KAZN: variants seen among roughly 807,000 people sequenced by gnomAD.
The protein encoded by KAZN is kazrin, periplakin interacting protein, also known as kazrin.
Under a neutral mutation model 87.4 loss-of-function variants are expected in KAZN, and 40 were observed. The ratio of observed to expected loss-of-function variants is 0.46; its 90% CI spans 0.36 to 0.60. KAZN has a LOEUF of 0.60. Among genes scored for constraint, KAZN ranks in the 20% least tolerant of loss-of-function variants. The pLI, the probability that KAZN is intolerant of heterozygous loss-of-function variation, is 0.00. For missense variants in KAZN, 898 were observed against 1,073.9 expected (o/e 0.84, Z 2.29); for synonymous variants, 466 against 458.3 (o/e 1.02, Z -0.22).
chr1:14,497,571 A>T (rs1226689688), intron 2 of KAZN, among the ~76,000 whole-genome samples: 1 of 152,178 alleles, frequency 6.6e-6, no homozygotes, highest in Admixed American at 6.5e-5. Context: ...TTCAGTTTAA[A>T]GTTGGCCATA....
At chr1:14,770,024 C>A (rs1644980539) in intron 1 of KAZN, among the ~76,000 whole-genome samples, 1 of 152,048 alleles carries the variant, frequency 6.6e-6, no homozygotes, top group South Asian at 2.1e-4. Context: ...GTGCAAAGGT[C>A]CTGAGGTAGA....
At chr1:15,018,044 C>T (rs577693511) in intron 2 of KAZN, among the ~76,000 whole-genome samples, 1 of 152,102 alleles carries the variant, frequency 6.6e-6, no homozygotes, top group African/African-American at 2.4e-5. Flanking sequence ...TGGCTTCCCC[C>T]CAGCCTGCAA....
At chr1:14,087,425 C>G (rs1243384002) in intron 1 of KAZN, among the ~76,000 whole-genome samples, 1 of 152,020 alleles carries the variant, frequency 6.6e-6, no homozygotes, top group Non-Finnish European at 1.5e-5. Flanking sequence ...TTAATTATTT[C>G]TTTTTAACTT....
At chr1:14,392,847 T>C (rs1328638833) in intron 2 of KAZN, among the ~76,000 whole-genome samples, 3 of 152,190 alleles carry the variant, frequency 2.0e-5, no homozygotes, top group Non-Finnish European at 4.4e-5. Context: ...GTGATTCTAA[T>C]GGCGACCAGA....
At chr1:14,097,703 A>G (rs1355752079) in intron 1 of KAZN, among the ~76,000 whole-genome samples, 1 of 152,208 alleles carries the variant, frequency 6.6e-6, no homozygotes, top group Non-Finnish European at 1.5e-5. Context: ...AACCTGTTAT[A>G]GAATACTTCA....
chr1:14,581,876 C>G (rs1675573294), intron 2 of KAZN, among the ~76,000 whole-genome samples: 1 of 152,136 alleles, frequency 6.6e-6, no homozygotes, highest in South Asian at 2.1e-4. Context: ...AAAATAGAAG[C>G]CAAATGTCAT....
At chr1:14,518,178 C>CTTTTTTT (rs141321203) in intron 2 of KAZN, among the ~76,000 whole-genome samples, 4 of 91,310 alleles carry the variant, frequency 4.4e-5, no homozygotes, top group African/African-American at 8.7e-5. Context: ...TTTTTGAAGG[C>CTTTTTTT]TTTTTTTTTT....
At chr1:14,249,884 A>T (rs1649854401) in intron 2 of KAZN, among the ~76,000 whole-genome samples, 1 of 149,524 alleles carries the variant, frequency 6.7e-6, no homozygotes, top group African/African-American at 2.5e-5. Flanking sequence ...AAAAACAGAT[A>T]CCCCTTAGGC....
At chr1:14,656,336 C>A (rs920042018) in intron 1 of KAZN, among the ~76,000 whole-genome samples, 19 of 152,274 alleles carry the variant, frequency 1.2e-4, no homozygotes, top group Admixed American at 1.0e-3. Flanking sequence ...GTCCCAGAAG[C>A]CTTAGTTCCA....
chr1:14,446,601 A>G (rs984376631), intron 2 of KAZN, among the ~76,000 whole-genome samples: 9 of 152,168 alleles, frequency 5.9e-5, no homozygotes, highest in African/African-American at 1.2e-4. Flanking sequence ...TCAGTCACCT[A>G]TCTCACTCGA....
At chr1:13,924,764 T>C (rs892901732) in intron 1 of KAZN, among the ~76,000 whole-genome samples, 1 of 152,218 alleles carries the variant, frequency 6.6e-6, no homozygotes, top group Admixed American at 6.5e-5. Flanking sequence ...CATACGTTGA[T>C]TGATGTCTTA....
chr1:14,999,364 T>C (rs1332677245), intron 2 of KAZN, among the ~76,000 whole-genome samples: 1 of 152,258 alleles, frequency 6.6e-6, no homozygotes, highest in Non-Finnish European at 1.5e-5. Flanking sequence ...ATGCTTCCTT[T>C]GCAGGGCTTT....
chr1:14,026,468 A>G (rs10927998), intron 1 of KAZN, among the ~76,000 whole-genome samples: 28,927 of 152,156 alleles, frequency 0.19, 3,134 homozygotes, highest in African/African-American at 0.28. Flanking sequence ...ATTTCACTAC[A>G]TTAATAAACA....
At position 14,262,964 on chromosome 1, in the gene KAZN, G is replaced by A. The variant is rs767254480; in HGVS notation, c.249+82372G>A. 1.2e-4 allele frequency among the ~76,000 whole-genome samples: 19 copies of A among 152,268 alleles called. No homozygotes were observed. In the Middle Eastern group the frequency reaches 0.01, roughly 82 times the overall value. On this transcript the variant is annotated intron_variant, in intron 2 of 16. Coordinates refer to the KAZN transcript ENST00000636203. ...CTCTGTAACTAATAAAATTCCTACC[G>A]TGTGATCCGTGGGTTTTATTTCTAA...
chr1:14,892,714 G>T (rs1654846228), intron 1 of KAZN, among the ~76,000 whole-genome samples: 2 of 152,184 alleles, frequency 1.3e-5, no homozygotes, highest in South Asian at 2.1e-4. Context: ...GTGTGTTCAT[G>T]TCCTCAGACT....
chr1:14,739,726 C>T (rs1644027483), intron 1 of KAZN, among the ~76,000 whole-genome samples: 1 of 151,856 alleles, frequency 6.6e-6, no homozygotes, highest in Admixed American at 6.6e-5. Flanking sequence ...CGGGTCAAGT[C>T]AGCCCAGCCA....
At chr1:14,989,211 C>T (rs564557177) in intron 2 of KAZN, among the ~76,000 whole-genome samples, 2 of 152,222 alleles carry the variant, frequency 1.3e-5, no homozygotes, top group Non-Finnish European at 2.9e-5. Flanking sequence ...CACGGTGGCT[C>T]ACGCCTGTAA....
At chr1:13,923,517 G>A (rs1171295633) in intron 1 of KAZN, among the ~76,000 whole-genome samples, 3 of 148,868 alleles carry the variant, frequency 2.0e-5, no homozygotes, top group Non-Finnish European at 4.4e-5. Flanking sequence ...AGCTTGCAGT[G>A]AGCCGAGATC....
chr1:14,346,352 GGAT>G (rs1264740562), intron 2 of KAZN, among the ~76,000 whole-genome samples: 1 of 152,200 alleles, frequency 6.6e-6, no homozygotes, highest in Non-Finnish European at 1.5e-5. Context: ...AAAAGGATGA[GGAT>G]GATGACTCAT....
Sources: allele counts gnomAD v4.1 joint callset (sites outside exome capture counted in the v4.1 genomes callset), GRCh38; gene constraint gnomAD v4.1.1; transcripts MANE v1.5; gene names NCBI Gene and HGNC (gene_info 2026-07-23, HGNC 2026-07-21).